MYO3B: variants seen among roughly 807,000 people sequenced by gnomAD.
MYO3B encodes myosin-IIIb.
MYO3B carries 156 observed loss-of-function variants against 174.6 expected under a neutral mutation model. That is an observed-to-expected ratio of 0.89 (90% CI 0.78 to 1.02). The LOEUF (loss-of-function observed/expected upper bound fraction) is 1.02. MYO3B is among the 50% of genes least tolerant of loss of function. The pLI is 0.00. For missense variants in MYO3B, 1,632 were observed against 1,639.4 expected, an observed-to-expected ratio of 1.00 and a Z score of 0.08; for synonymous variants, 563 against 569.1, an observed-to-expected ratio of 0.99 and a Z score of 0.15.
At chr2:170,469,025 ACTTGGG>A (rs1684810663) in intron 25 of MYO3B, among the ~76,000 whole-genome samples, 1 of 152,038 alleles carries the variant, frequency 6.6e-6, no homozygotes, top group East Asian at 1.9e-4. Flanking sequence ...TGTGGTGGCT[ACTTGGG>A]AGGCTGAGCC....
chr2:170,307,987 C>T (rs2105461390), intron 7 of MYO3B, among the ~76,000 whole-genome samples: 1 of 152,234 alleles, frequency 6.6e-6, no homozygotes, highest in African/African-American at 2.4e-5. Context: ...ACCCTTTGTG[C>T]AACAGATGTA....
At chr2:170,294,766 T>G (rs2093618141) in intron 7 of MYO3B, among the ~76,000 whole-genome samples, 1 of 152,118 alleles carries the variant, frequency 6.6e-6, no homozygotes, top group Non-Finnish European at 1.5e-5. Flanking sequence ...ACACCAAGAT[T>G]GAACTTTAAG....
intron 32 of MYO3B, among the ~76,000 whole-genome samples, chr2:170,638,058 C>G (rs1014745720): frequency 2.0e-5 from 3 of 151,108 alleles, no homozygotes. Context: ...CTACTACTGA[C>G]ATTCTTTTCT....
chr2:170,273,110 C>T (rs1244375024), intron 7 of MYO3B, among the ~76,000 whole-genome samples: 1 of 152,030 alleles, frequency 6.6e-6, no homozygotes, highest in African/African-American at 2.4e-5. Context: ...GGCCAAGATT[C>T]AAAAGTGGAT....
intron 5 of MYO3B, among the ~76,000 whole-genome samples, chr2:170,216,784 G>A (rs189211411): frequency 1.3e-5 from 2 of 152,214 alleles, no homozygotes; most frequent in Admixed American, 1.3e-4. Flanking sequence ...AAGAAGTCAT[G>A]TGAAATAATT....
At chr2:170,253,268 G>A (rs1350894353) in intron 7 of MYO3B, among the ~76,000 whole-genome samples, 3 of 152,168 alleles carry the variant, frequency 2.0e-5, no homozygotes, top group Non-Finnish European at 2.9e-5. Flanking sequence ...GGTGCTGACA[G>A]GATTGCTTAT....
intron 28 of MYO3B, among the ~76,000 whole-genome samples, chr2:170,508,303 C>T (rs932695818): frequency 6.6e-5 from 10 of 152,106 alleles, no homozygotes; most frequent in Admixed American, 1.3e-4. Context: ...TTATTATGAT[C>T]GATTACACAC....
chr2:170,580,718 A>ATATATATATATATATATATGTGTGTG (rs768974458), intron 32 of MYO3B, among the ~76,000 whole-genome samples: 1 of 142,702 alleles, frequency 7.0e-6, no homozygotes. Context: ...AACCTTATAT[A>ATATATATATATATATATATGTGTGTG]TGTGTGTGTG....
chr2:170,647,496 G>A (rs1698478252), intron 32 of MYO3B, among the ~76,000 whole-genome samples: 4 of 152,188 alleles, frequency 2.6e-5, no homozygotes. Flanking sequence ...CATTGTATCA[G>A]TGACACTCAG....
intron 7 of MYO3B, among the ~76,000 whole-genome samples, chr2:170,266,325 T>A (rs1224207226): frequency 6.6e-6 from 1 of 152,166 alleles, no homozygotes; most frequent in Non-Finnish European, 1.5e-5. Context: ...AACAAAACAT[T>A]AATTTTTAAA....
At position 170,355,849 on chromosome 2, in the gene MYO3B, A is replaced by G. The variant is rs189154616; in HGVS notation, c.816-13373A>G. 6.8e-4 allele frequency among the ~76,000 whole-genome samples: 104 copies of G among 152,310 alleles called. 1 individual carries two copies. In the South Asian group the frequency reaches 7.3e-3, roughly 11 times the overall value. On this transcript the variant is annotated intron_variant, in intron 8 of 34. Transcript: ENST00000408978. Reference sequence around the variant, plus strand: ...CACCAAGTTGCTGATAGATTTAGCAATGGATTAAGACAGATGGCTCTTGTC... The same window carrying G: ...CACCAAGTTGCTGATAGATTTAGCAGTGGATTAAGACAGATGGCTCTTGTC...
At chr2:170,595,199 T>G (rs759263033) in intron 32 of MYO3B, among the ~76,000 whole-genome samples, 11 of 152,158 alleles carry the variant, frequency 7.2e-5, no homozygotes, top group Non-Finnish European at 5.9e-5. Flanking sequence ...GTAAAGGTAG[T>G]ACATGCCAAT....
intron 28 of MYO3B, among the ~76,000 whole-genome samples, chr2:170,505,597 TCAAAA>T (rs1687576215): frequency 6.6e-6 from 1 of 152,226 alleles, no homozygotes; most frequent in Non-Finnish European, 1.5e-5. Flanking sequence ...GTGAAAATTA[TCAAAA>T]CAAACTAACT....
chr2:170,391,505 C>T lies in MYO3B; in HGVS notation c.1578-15C>T. ...AGCCAGAATATATTATTACTAAAGT[C>T]TCTTTTTTTTTCAGGAGAGAGAAAA... On this transcript the variant is annotated splice_polypyrimidine_tract_variant and intron_variant, in intron 14 of 34. Coordinates refer to ENST00000408978, the MANE Select transcript of MYO3B (RefSeq NM_138995.5). The T allele has an allele frequency of 1.6e-6, 2 of 1,268,896 alleles. No homozygotes were observed. The highest frequency in any genetic ancestry group is 1.6e-5 in the African/African-American group (1 of 64,510). The allele number at this position is 1,268,896 out of a possible 1,614,324, so 78.6% of individuals were successfully genotyped here.
chr2:170,400,462 G>A, intron 17 of MYO3B, 148 bp downstream of exon 17: 1 of 1,012,120 alleles, frequency 9.9e-7, no homozygotes, highest in Non-Finnish European at 1.4e-6. Flanking sequence ...CTGGAGTCCA[G>A]TGGTGCAATC....
rs571804300 is a variant in MYO3B, at chr2:170,602,365, C to A, written c.3734-49263C>A. 5 of 619,314 alleles carry A rather than the reference C, an allele frequency of 8.1e-6. No homozygotes were observed. In the African/African-American group the frequency reaches 9.2e-5, roughly 11 times the overall value. 38.4% of individuals were successfully genotyped at this position (619,314 alleles called of 1,614,324 possible). A position where few individuals can be genotyped will look rare whatever the true frequency, so the allele number is the denominator to read the frequency against. ...GGGAGCCGGGCATAGCCTCCTCACC[C>A]TCTCCACTCTGTAACATTAACCTTC... On this transcript the variant is annotated intron_variant, in intron 32 of 34. Coordinates refer to ENST00000408978, the MANE Select transcript of MYO3B (RefSeq NM_138995.5).
Position 170,654,097 on chromosome 2 carries a change from A to G in MYO3B, c.*976A>G, listed in dbSNP as rs746746897. The G allele has an allele frequency of 6.6e-6, 1 of 152,150 alleles. No individual in the cohort carries two copies. The highest frequency in any genetic ancestry group is 1.5e-5 in the Non-Finnish European group (1 of 68,032). 9.4% of individuals were successfully genotyped at this position (152,150 alleles called of 1,614,324 possible). A position where few individuals can be genotyped will look rare whatever the true frequency, so the allele number is the denominator to read the frequency against. On this transcript the variant is annotated 3_prime_UTR_variant, in exon 35 of 35. Transcript: ENST00000408978. ...AATGTTACCTTCAATTGTATGTTACATATGATTAGTCACTTTTCATACACT... is the reference window on the plus strand; with the variant it reads ...AATGTTACCTTCAATTGTATGTTACGTATGATTAGTCACTTTTCATACACT...
At chr2:170,558,129 A>G (rs991339572) in intron 32 of MYO3B, among the ~76,000 whole-genome samples, 12 of 152,118 alleles carry the variant, frequency 7.9e-5, no homozygotes, top group Admixed American at 3.3e-4. Context: ...GTGAAATCCC[A>G]TCTCTACTAC....
chr2:170,418,306 A>G (rs1007748691), intron 22 of MYO3B, among the ~76,000 whole-genome samples: 1 of 152,220 alleles, frequency 6.6e-6, no homozygotes, highest in African/African-American at 2.4e-5. Flanking sequence ...TCTGACAATA[A>G]AGCATTGTTG....
Sources: allele counts gnomAD v4.1 joint callset (sites outside exome capture counted in the v4.1 genomes callset), GRCh38; gene constraint gnomAD v4.1.1; transcripts MANE v1.5; gene names NCBI Gene and HGNC (gene_info 2026-07-23, HGNC 2026-07-21).